Variants in ABI1 observed in about 807,000 individuals in gnomAD.
ABI1 encodes the protein Abelson interactor 1.
ABI1 carries 14 observed loss-of-function variants against 54.6 expected under a neutral mutation model. The observed-to-expected ratio is 0.26, with a 90% CI of 0.17 to 0.40. The LOEUF (loss-of-function observed/expected upper bound fraction) is 0.40. Among genes scored for constraint, ABI1 ranks in the 10% least tolerant of loss-of-function variants. The pLI is 1.00. For synonymous variants in ABI1, 194 were observed against 209.3 expected (o/e 0.93, Z 0.63); for missense variants, 443 against 598.3 (o/e 0.74, Z 2.71).
intron 1 of ABI1, among the ~76,000 whole-genome samples, chr10:26,855,783 C>G (rs1479448104): frequency 2.0e-5 from 3 of 151,692 alleles, no homozygotes; most frequent in African/African-American, 7.2e-5. Flanking sequence ...CCAGCCTGGC[C>G]AATATGGTGA....
At chr10:26,795,519 G>C (rs916940646) in intron 2 of ABI1, among the ~76,000 whole-genome samples, 2 of 151,888 alleles carry the variant, frequency 1.3e-5, no homozygotes, top group African/African-American at 4.8e-5. Context: ...CCACAGAAAA[G>C]ATAAAAACAC....
intron 2 of ABI1, among the ~76,000 whole-genome samples, chr10:26,809,614 T>C (rs2047100174): frequency 6.6e-6 from 1 of 152,108 alleles, no homozygotes; most frequent in African/African-American, 2.4e-5. Flanking sequence ...TAAACTTTCA[T>C]TTTCACATAA....
chr10:26,789,676 G>A (rs1047560975), intron 2 of ABI1, among the ~76,000 whole-genome samples: 2 of 151,924 alleles, frequency 1.3e-5, no homozygotes, highest in Non-Finnish European at 2.9e-5. Flanking sequence ...TTAGTTTGTT[G>A]CATAAGTAAA....
intron 9 of ABI1, among the ~76,000 whole-genome samples, chr10:26,752,426 T>C (rs1362784495): frequency 7.2e-5 from 11 of 152,140 alleles, no homozygotes; most frequent in Admixed American, 7.2e-4. Context: ...TCTAATTGAG[T>C]ATTTTTAAAA....
At chr10:26,799,849 T>C (rs1564515628) in intron 2 of ABI1, among the ~76,000 whole-genome samples, 1 of 152,192 alleles carries the variant, frequency 6.6e-6, no homozygotes. Context: ...TACATTTTGC[T>C]GCTCTCTTTC....
intron 2 of ABI1, among the ~76,000 whole-genome samples, chr10:26,782,137 T>G (rs1842188715): frequency 6.6e-6 from 1 of 152,160 alleles, no homozygotes; most frequent in South Asian, 2.1e-4. Flanking sequence ...GCTATTCCAG[T>G]TCAATCAGCT....
chr10:26,775,084 T>C (rs1304280374), intron 3 of ABI1, among the ~76,000 whole-genome samples: 2 of 152,144 alleles, frequency 1.3e-5, no homozygotes, highest in African/African-American at 2.4e-5. Flanking sequence ...AACTTAAACT[T>C]TTCCTTCTAA....
At chr10:26,808,557 G>C (rs1305500542) in intron 2 of ABI1, among the ~76,000 whole-genome samples, 2 of 151,218 alleles carry the variant, frequency 1.3e-5, no homozygotes, top group Admixed American at 1.3e-4. Flanking sequence ...CCCCATTTCT[G>C]CAAAAAATAC....
At chr10:26,812,989 C>T (rs925228813) in intron 2 of ABI1, among the ~76,000 whole-genome samples, 2 of 152,142 alleles carry the variant, frequency 1.3e-5, no homozygotes, top group African/African-American at 4.8e-5. Context: ...TGGCTCATGC[C>T]TGTAATCTCA....
intron 2 of ABI1, among the ~76,000 whole-genome samples, chr10:26,811,488 A>T (rs892730452): frequency 6.6e-6 from 1 of 152,170 alleles, no homozygotes; most frequent in African/African-American, 2.4e-5. Flanking sequence ...GCTCTAAATC[A>T]TTTTACTATT....
chr10:26,770,521 C>A lies in ABI1; in HGVS notation c.478-176G>T, dbSNP rs770195469. On this transcript the variant is annotated intron_variant, in intron 4 of 10. Transcript: ENST00000376140. The stretch of plus-strand genomic sequence containing the variant: ...CAAGGAACCACTTGCACTTGGTCTT[C>A]CTATTATTTTATGCCATTTATATCA... The A allele has an allele frequency of 5.3e-6, 4 of 759,732 alleles. No homozygotes were observed. The South Asian group carries it at 5.4e-5, about 10-fold the overall frequency. 47.1% of individuals were successfully genotyped at this position (759,732 alleles called of 1,614,324 possible). A position where few individuals can be genotyped will look rare whatever the true frequency, so the allele number is the denominator to read the frequency against.
chr10:26,855,956 G>A (rs1172803586), intron 1 of ABI1, among the ~76,000 whole-genome samples: 1 of 117,584 alleles, frequency 8.5e-6, no homozygotes, highest in Admixed American at 1.1e-4. Context: ...GGGTGACAGA[G>A]CAAGACTCCA....
At chr10:26,837,982 T>C (rs1181617322) in intron 1 of ABI1, among the ~76,000 whole-genome samples, 1 of 151,952 alleles carries the variant, frequency 6.6e-6, no homozygotes, top group Non-Finnish European at 1.5e-5. Context: ...AAGGCACTAA[T>C]GAAAGCTCAC....
intron 1 of ABI1, among the ~76,000 whole-genome samples, chr10:26,856,658 C>T (rs542412405): frequency 6.6e-6 from 1 of 152,278 alleles, no homozygotes; most frequent in East Asian, 1.9e-4. Context: ...CCCCTTCATA[C>T]TCCTAGGCTT....
intron 2 of ABI1, among the ~76,000 whole-genome samples, chr10:26,807,468 G>C (rs148510640): frequency 3.8e-4 from 58 of 152,200 alleles, no homozygotes; most frequent in African/African-American, 1.4e-3. Context: ...GGCGACAAGA[G>C]TGAGACCCGG....
At chr10:26,821,354 T>C (rs1485057453) in intron 2 of ABI1, among the ~76,000 whole-genome samples, 1 of 148,472 alleles carries the variant, frequency 6.7e-6, no homozygotes, top group Non-Finnish European at 1.5e-5. Flanking sequence ...AACAAAAACA[T>C]AGAAAATTAA....
At chr10:26,830,300 T>C (rs1369930302) in intron 1 of ABI1, among the ~76,000 whole-genome samples, 1 of 152,150 alleles carries the variant, frequency 6.6e-6, no homozygotes, top group African/African-American at 2.4e-5. Context: ...CTGAGTCACA[T>C]GGTAAGTTAA....
chr10:26,753,712 C>T (rs1837919280), intron 9 of ABI1, among the ~76,000 whole-genome samples: 1 of 152,168 alleles, frequency 6.6e-6, no homozygotes, highest in African/African-American at 2.4e-5. Flanking sequence ...CTTCATAAAA[C>T]GTTTAAAGTA....
intron 2 of ABI1, among the ~76,000 whole-genome samples, chr10:26,813,271 T>C (rs1364286807): frequency 6.7e-6 from 1 of 150,348 alleles, no homozygotes; most frequent in African/African-American, 2.4e-5. Flanking sequence ...AAAAAAATCA[T>C]GAAACACCTT....
Sources: allele counts gnomAD v4.1 joint callset (sites outside exome capture counted in the v4.1 genomes callset), GRCh38; gene constraint gnomAD v4.1.1; transcripts MANE v1.5; gene names NCBI Gene and HGNC (gene_info 2026-07-23, HGNC 2026-07-21).